TENM3: variants seen among roughly 807,000 people sequenced by gnomAD.
TENM3 encodes the protein teneurin-3.
Under a neutral mutation model 255.1 loss-of-function variants are expected in TENM3, and 63 were observed. The ratio of observed to expected loss-of-function variants is 0.25; its 90% CI spans 0.20 to 0.30. The LOEUF (loss-of-function observed/expected upper bound fraction) is 0.30. Ranked by LOEUF, TENM3 falls within the 10% of genes least tolerant of loss-of-function variation. The pLI, the probability that TENM3 is intolerant of heterozygous loss-of-function variation, is 1.00. For synonymous variants in TENM3, 1,306 were observed against 1,322.3 expected, an observed-to-expected ratio of 0.99 and a Z score of 0.27; for missense variants, 2,929 against 3,461.1, an observed-to-expected ratio of 0.85 and a Z score of 3.86.
At chr4:182,329,016 A>G (rs1763592417) in intron 2 of TENM3, among the ~76,000 whole-genome samples, 1 of 152,150 alleles carries the variant, frequency 6.6e-6, no homozygotes, top group Admixed American at 6.5e-5. Context: ...TTGTGAGGAA[A>G]CAAAAGGACA....
chr4:182,331,860 G>T (rs1389601969), intron 2 of TENM3, among the ~76,000 whole-genome samples: 1 of 151,988 alleles, frequency 6.6e-6, no homozygotes, highest in Non-Finnish European at 1.5e-5. Flanking sequence ...AAATTTATAA[G>T]CAAAAACTAT....
At chr4:182,791,430 T>C (rs1028307559) in intron 25 of TENM3, among the ~76,000 whole-genome samples, 3 of 152,194 alleles carry the variant, frequency 2.0e-5, no homozygotes, top group Non-Finnish European at 4.4e-5. Flanking sequence ...TCTCTCACAT[T>C]TGTTGGCCTA....
At chr4:182,002,514 T>A in the TENM3 span, among the ~76,000 whole-genome samples, 1 of 152,120 alleles carries the variant, frequency 6.6e-6, no homozygotes, top group Non-Finnish European at 1.5e-5. Flanking sequence ...ACATTCTCGG[T>A]TGGTTCTCCT....
At chr4:181,867,221 C>T in the TENM3 span, among the ~76,000 whole-genome samples, 14 of 152,278 alleles carry the variant, frequency 9.2e-5, no homozygotes, top group South Asian at 2.5e-3. Flanking sequence ...CAGTTCCAAT[C>T]CCTCTGAAAA....
intron 1 of TENM3, among the ~76,000 whole-genome samples, chr4:182,207,257 G>A (rs1183079000): frequency 6.6e-6 from 1 of 152,198 alleles, no homozygotes; most frequent in African/African-American, 2.4e-5. Context: ...TTATCTTCAA[G>A]GGGGAGAATG....
the TENM3 span, among the ~76,000 whole-genome samples, chr4:182,046,627 G>A: frequency 3.3e-5 from 5 of 152,072 alleles, 1 homozygote; most frequent in African/African-American, 1.2e-4. Flanking sequence ...ATACTCGAGA[G>A]GCTGAGGCAG....
At chr4:182,228,192 T>C (rs1338749815) in intron 1 of TENM3, among the ~76,000 whole-genome samples, 1 of 151,944 alleles carries the variant, frequency 6.6e-6, no homozygotes, top group Non-Finnish European at 1.5e-5. Flanking sequence ...TAATGTTGTA[T>C]TGTGGTGGGG....
At chr4:181,660,389 A>T in the TENM3 span, among the ~76,000 whole-genome samples, 1 of 152,184 alleles carries the variant, frequency 6.6e-6, no homozygotes, top group Admixed American at 6.5e-5. Context: ...ACAGATCATT[A>T]TTCATACTTA....
intron 1 of TENM3, among the ~76,000 whole-genome samples, chr4:182,285,238 C>G (rs992077074): frequency 1.4e-5 from 2 of 147,790 alleles, no homozygotes; most frequent in Non-Finnish European, 2.9e-5. Flanking sequence ...ATTCAGTATA[C>G]CTAGGTTAAT....
At chr4:181,551,836 ATATGTGTGTGTGTGTG>A in the TENM3 span, among the ~76,000 whole-genome samples, 8 of 20,382 alleles carry the variant, frequency 3.9e-4, no homozygotes, top group African/African-American at 1.2e-3. Flanking sequence ...ATATATATGT[ATATGTGTGTGTGTGTG>A]TGTGTGTGTG....
At chr4:181,942,791 G>C in the TENM3 span, among the ~76,000 whole-genome samples, 1 of 152,268 alleles carries the variant, frequency 6.6e-6, no homozygotes, top group African/African-American at 2.4e-5. Context: ...TTTTAAATCT[G>C]AGAGTCAATT....
At chr4:182,638,368 A>G (rs77233628) in intron 5 of TENM3, among the ~76,000 whole-genome samples, 2,120 of 152,272 alleles carry the variant, frequency 0.014, 53 homozygotes, top group African/African-American at 0.046. Context: ...TGTATCCTAC[A>G]TCGCAAAAGC....
chr4:182,513,645 G>A (rs1346670427), intron 3 of TENM3, among the ~76,000 whole-genome samples: 1 of 152,202 alleles, frequency 6.6e-6, no homozygotes, highest in Non-Finnish European at 1.5e-5. Context: ...TAATTCAGGT[G>A]ACAGATGTGG....
the TENM3 span, among the ~76,000 whole-genome samples, chr4:181,693,175 G>T: frequency 1.3e-5 from 2 of 152,206 alleles, no homozygotes; most frequent in Non-Finnish European, 2.9e-5. Context: ...TATTCCTCCT[G>T]TATAACTATT....
rs10586825 is a variant in TENM3, at chr4:182,442,847, T to TACAC, written c.511+95948_511+95951dup. Among the ~76,000 whole-genome samples, 5 of 147,792 alleles carry TACAC rather than the reference T, an allele frequency of 3.4e-5. 1 individual carries two copies. Among genetic ancestry groups the TACAC allele is most frequent in the African/African-American group, 1.3e-4 (5 of 39,820 alleles). ...ACATATATATACATACATACATATATACACACACACACACACACACACACA... is the reference window on the plus strand; with the variant it reads ...ACATATATATACATACATACATATATACACACACACACACACACACACACACACA... On this transcript the variant is annotated intron_variant, in intron 3 of 27. Transcript: ENST00000511685.
chr4:181,864,810 C>T, the TENM3 span, among the ~76,000 whole-genome samples: 6 of 152,130 alleles, frequency 3.9e-5, no homozygotes, highest in Non-Finnish European at 7.3e-5. Context: ...ATTGTTCTCA[C>T]CCATTTAAGT....
At chr4:181,854,703 C>T in the TENM3 span, among the ~76,000 whole-genome samples, 3 of 152,148 alleles carry the variant, frequency 2.0e-5, no homozygotes, top group African/African-American at 7.2e-5. Flanking sequence ...AATTTTAGGT[C>T]AGTAGGGCCC....
At chr4:181,604,170 CAGG>C in the TENM3 span, among the ~76,000 whole-genome samples, 1 of 152,064 alleles carries the variant, frequency 6.6e-6, no homozygotes, top group South Asian at 2.1e-4. Flanking sequence ...GAGGCTGAGG[CAGG>C]AGAATGGCGT....
chr4:182,553,771 A>C (rs1337627312), intron 3 of TENM3, among the ~76,000 whole-genome samples: 1 of 152,174 alleles, frequency 6.6e-6, no homozygotes, highest in Non-Finnish European at 1.5e-5. Flanking sequence ...TTACTATCTA[A>C]ACCTTCAAAG....
Sources: allele counts gnomAD v4.1 joint callset (sites outside exome capture counted in the v4.1 genomes callset), GRCh38; gene constraint gnomAD v4.1.1; transcripts MANE v1.5; gene names NCBI Gene and HGNC (gene_info 2026-07-23, HGNC 2026-07-21).